GALNTL6: variants seen among roughly 807,000 people sequenced by gnomAD.
The protein encoded by GALNTL6 is polypeptide N-acetylgalactosaminyltransferase-like 6.
In GALNTL6, 46 loss-of-function variants were observed where a neutral mutation model predicts 73.7. The ratio of observed to expected loss-of-function variants is 0.62; its 90% CI spans 0.49 to 0.80. The LOEUF is 0.80. Ranked by LOEUF, GALNTL6 falls within the 30% of genes least tolerant of loss-of-function variation. GALNTL6 has a pLI of 0.00. For synonymous variants in GALNTL6, 259 were observed against 263.7 expected (o/e 0.98, Z 0.17); for missense variants, 604 against 755.0 (o/e 0.80, Z 2.34).
At chr4:172,302,613 T>A (rs769450244) in intron 3 of GALNTL6, among the ~76,000 whole-genome samples, 2 of 152,200 alleles carry the variant, frequency 1.3e-5, no homozygotes. Context: ...CTGGCTTTGA[T>A]ATCAGATCCA....
At chr4:172,437,966 A>G (rs560607809) in intron 5 of GALNTL6, among the ~76,000 whole-genome samples, 1 of 152,206 alleles carries the variant, frequency 6.6e-6, no homozygotes, top group Admixed American at 6.6e-5. Flanking sequence ...CATTGTTAAA[A>G]GAACCATTTT....
intron 5 of GALNTL6, among the ~76,000 whole-genome samples, chr4:172,458,855 C>T (rs1033121568): frequency 3.3e-5 from 5 of 152,210 alleles, no homozygotes; most frequent in Admixed American, 1.3e-4. Context: ...TCCTCCCTAA[C>T]TCATTTTATG....
chr4:172,345,735 A>G (rs760725385), intron 4 of GALNTL6, among the ~76,000 whole-genome samples: 6 of 152,174 alleles, frequency 3.9e-5, no homozygotes, highest in Non-Finnish European at 5.9e-5. Context: ...TTTGACTATA[A>G]TAGTGTTTAG....
chr4:171,823,846 A>C (rs2110809255), intron 2 of GALNTL6, among the ~76,000 whole-genome samples: 1 of 151,078 alleles, frequency 6.6e-6, no homozygotes, highest in East Asian at 1.9e-4. Context: ...TAGTATAGTA[A>C]GTGGGGATAG....
intron 10 of GALNTL6, among the ~76,000 whole-genome samples, chr4:172,981,228 C>T (rs1751050204): frequency 6.6e-6 from 1 of 152,144 alleles, no homozygotes; most frequent in African/African-American, 2.4e-5. Flanking sequence ...AGTGGAATTG[C>T]TGCATCATAT....
intron 4 of GALNTL6, among the ~76,000 whole-genome samples, chr4:172,333,229 AACCTCCTCTC>A (rs1181697409): frequency 6.6e-6 from 1 of 152,098 alleles, no homozygotes; most frequent in Non-Finnish European, 1.5e-5. Flanking sequence ...AACATGGAGA[AACCTCCTCTC>A]TACTGAAAAT....
At chr4:172,534,906 T>C (rs937343398) in intron 5 of GALNTL6, among the ~76,000 whole-genome samples, 5 of 152,120 alleles carry the variant, frequency 3.3e-5, no homozygotes, top group Non-Finnish European at 7.4e-5. Context: ...CTGAAAATAA[T>C]TGTAGAAATT....
chr4:172,994,169 T>C (rs993653620), intron 10 of GALNTL6, among the ~76,000 whole-genome samples: 1 of 151,978 alleles, frequency 6.6e-6, no homozygotes, highest in Admixed American at 6.6e-5. Context: ...ATAACTGTTG[T>C]ATAAGATGGT....
At position 172,868,273 on chromosome 4, in the gene GALNTL6, T is replaced by C. The variant is rs528223050; in HGVS notation, c.924-14517T>C. On this transcript the variant is annotated intron_variant, in intron 7 of 12. Coordinates refer to ENST00000506823, the MANE Select transcript of GALNTL6 (RefSeq NM_001034845.3). The stretch of plus-strand genomic sequence containing the variant: ...TCACAGGCTTTTAGAGCTAATACCA[T>C]CCAGCTTAAATGGAGACCCTGCCTC... Among the ~76,000 whole-genome samples, 14 of 152,260 alleles carry C rather than the reference T, an allele frequency of 9.2e-5. No homozygotes were observed. In the South Asian group the frequency reaches 2.9e-3, roughly 32 times the overall value.
At chr4:172,395,868 C>A (rs1485063916) in intron 5 of GALNTL6, among the ~76,000 whole-genome samples, 4 of 152,120 alleles carry the variant, frequency 2.6e-5, no homozygotes, top group Non-Finnish European at 5.9e-5. Context: ...TAACATACAA[C>A]CTGATACAGC....
intron 5 of GALNTL6, among the ~76,000 whole-genome samples, chr4:172,587,751 C>T (rs1464387842): frequency 6.6e-6 from 1 of 152,148 alleles, no homozygotes; most frequent in Admixed American, 6.5e-5. Flanking sequence ...CCATCACCAC[C>T]CTCACCACTA....
chr4:172,893,590 C>T (rs972255051), intron 8 of GALNTL6, among the ~76,000 whole-genome samples: 17 of 152,274 alleles, frequency 1.1e-4, no homozygotes, highest in East Asian at 3.9e-4. Context: ...GGCAGGCAGT[C>T]TTGGGAAGAT....
intron 5 of GALNTL6, among the ~76,000 whole-genome samples, chr4:172,576,201 T>G (rs908358841): frequency 6.6e-6 from 1 of 152,172 alleles, no homozygotes; most frequent in Non-Finnish European, 1.5e-5. Context: ...CTAATGGCCA[T>G]GAGGCACGCT....
intron 2 of GALNTL6, among the ~76,000 whole-genome samples, chr4:172,178,705 G>T (rs1426632696): frequency 3.0e-5 from 4 of 133,284 alleles, no homozygotes; most frequent in Non-Finnish European, 6.3e-5. Context: ...TGCACATTGT[G>T]CAGGTTAGTT....
rs1416872046 is a variant in GALNTL6, at chr4:172,380,177, A to G, written c.553+31488A>G. ...TAACAAGGCCTGGATCCGTAGCAGAACTGTGCGGATCTGCAGGGCTGGGGA... is the reference window on the plus strand; with the variant it reads ...TAACAAGGCCTGGATCCGTAGCAGAGCTGTGCGGATCTGCAGGGCTGGGGA... On this transcript the variant is annotated intron_variant, in intron 5 of 12. Coordinates refer to ENST00000506823, the MANE Select transcript of GALNTL6 (RefSeq NM_001034845.3). 5 of 1,027,980 alleles carry G rather than the reference A, an allele frequency of 4.9e-6. No individual in the cohort carries two copies. The South Asian group carries it at 5.0e-5, about 10-fold the overall frequency. 63.7% of individuals were successfully genotyped at this position (1,027,980 alleles called of 1,614,324 possible). A position where few individuals can be genotyped will look rare whatever the true frequency, so the allele number is the denominator to read the frequency against.
intron 5 of GALNTL6, among the ~76,000 whole-genome samples, chr4:172,419,172 A>G (rs1399736191): frequency 6.6e-6 from 1 of 152,098 alleles, no homozygotes; most frequent in Non-Finnish European, 1.5e-5. Flanking sequence ...AATTTCATGA[A>G]TATCGAGAAT....
intron 9 of GALNTL6, among the ~76,000 whole-genome samples, chr4:172,946,000 A>C (rs1749147912): frequency 6.6e-6 from 1 of 152,208 alleles, no homozygotes; most frequent in African/African-American, 2.4e-5. Flanking sequence ...ATTCAAATAA[A>C]AGCAGAAATT....
intron 2 of GALNTL6, among the ~76,000 whole-genome samples, chr4:172,054,533 T>A (rs1730967394): frequency 6.6e-6 from 1 of 152,140 alleles, no homozygotes; most frequent in Non-Finnish European, 1.5e-5. Context: ...TCCCACTTCC[T>A]AGTTCATAGA....
At chr4:172,976,340 A>G (rs1242372665) in intron 10 of GALNTL6, among the ~76,000 whole-genome samples, 4 of 152,222 alleles carry the variant, frequency 2.6e-5, no homozygotes, top group African/African-American at 9.6e-5. Flanking sequence ...CATAAAATAG[A>G]TTTTTAAATT....
Sources: allele counts gnomAD v4.1 joint callset (sites outside exome capture counted in the v4.1 genomes callset), GRCh38; gene constraint gnomAD v4.1.1; transcripts MANE v1.5; gene names NCBI Gene and HGNC (gene_info 2026-07-23, HGNC 2026-07-21).